The following NLGN1 variants were observed in gnomAD, a reference collection of about 807,000 sequenced individuals.
NLGN1 encodes neuroligin-1.
Under a neutral mutation model 65.5 loss-of-function variants are expected in NLGN1, and 12 were observed. The observed-to-expected ratio is 0.18, with a 90% CI of 0.12 to 0.30. NLGN1 has a LOEUF of 0.30. Among genes scored for constraint, NLGN1 ranks in the 10% least tolerant of loss-of-function variants. The probability of loss-of-function intolerance (pLI) is 1.00; values close to 1 mark genes in which losing one functional copy is unlikely to be tolerated. For missense variants in NLGN1, 750 were observed against 1,007.1 expected (o/e 0.74, Z 3.46); for synonymous variants, 350 against 359.5 (o/e 0.97, Z 0.30).
At chr3:173,938,644 C>T (rs549261962) in intron 4 of NLGN1, among the ~76,000 whole-genome samples, 1 of 152,226 alleles carries the variant, frequency 6.6e-6, no homozygotes, top group African/African-American at 2.4e-5. Flanking sequence ...TAGATAGGAT[C>T]AAATGAGTAA....
At chr3:173,466,387 A>G (rs961085375) in intron 2 of NLGN1, among the ~76,000 whole-genome samples, 3 of 152,186 alleles carry the variant, frequency 2.0e-5, no homozygotes, top group African/African-American at 7.2e-5. Flanking sequence ...AAGCCCTGAT[A>G]GAGTATTTGA....
chr3:173,751,805 T>C (rs750583977), intron 3 of NLGN1, among the ~76,000 whole-genome samples: 1 of 152,116 alleles, frequency 6.6e-6, no homozygotes, highest in Non-Finnish European at 1.5e-5. Flanking sequence ...GAGCTGTACC[T>C]ATATTATCTT....
At chr3:173,626,062 A>G (rs9818829) in intron 3 of NLGN1, among the ~76,000 whole-genome samples, 28,746 of 152,022 alleles carry the variant, frequency 0.19, 3,035 homozygotes, top group African/African-American at 0.27. Context: ...TATTAGTGCT[A>G]TCCAATAGAG....
At chr3:173,757,819 A>G (rs891061081) in intron 3 of NLGN1, among the ~76,000 whole-genome samples, 1 of 152,106 alleles carries the variant, frequency 6.6e-6, no homozygotes, top group Non-Finnish European at 1.5e-5. Context: ...TCAAAATTAC[A>G]TACTGAAGTT....
At chr3:174,045,270 G>T (rs1171646043) in intron 4 of NLGN1, among the ~76,000 whole-genome samples, 1 of 152,130 alleles carries the variant, frequency 6.6e-6, no homozygotes, top group Admixed American at 6.5e-5. Context: ...AGGGATGGAA[G>T]GAAGAAATAG....
intron 4 of NLGN1, among the ~76,000 whole-genome samples, chr3:173,944,127 GT>G (rs1560693322): frequency 3.9e-4 from 46 of 119,088 alleles, no homozygotes; most frequent in East Asian, 2.2e-3. Flanking sequence ...TATTATGGGT[GT>G]GTGTGTGTGT....
chr3:174,236,470 A>G (rs2152824395), intron 4 of NLGN1, among the ~76,000 whole-genome samples: 1 of 152,122 alleles, frequency 6.6e-6, no homozygotes, highest in Non-Finnish European at 1.5e-5. Flanking sequence ...ACATGTAAAG[A>G]TTGGTGACAA....
chr3:173,514,353 C>A (rs865978198), intron 2 of NLGN1, among the ~76,000 whole-genome samples: 1 of 152,012 alleles, frequency 6.6e-6, no homozygotes, highest in Middle Eastern at 3.2e-3. Flanking sequence ...TACACTGTAC[C>A]AAATATGTAG....
rs142206582 is a variant in NLGN1 at position 173,896,227 on chromosome 3, C to T, written c.646+88395C>T. Among the ~76,000 whole-genome samples the T allele has an allele frequency of 7.4e-3, 1,120 of 151,598 alleles. 11 individuals are homozygous for T. Among genetic ancestry groups the T allele is most frequent in the Non-Finnish European group, 9.6e-3 (651 of 67,950 alleles). ...TAATTGCAACATCCTATGATAAGTG[C>T]TTCTTAATCTGTTTCCAGTTTCCCA... On this transcript the variant is annotated intron_variant, in intron 4 of 6. Coordinates refer to ENST00000457714, the Ensembl canonical transcript of NLGN1.
At chr3:173,600,486 C>G (rs1405779606) in intron 2 of NLGN1, among the ~76,000 whole-genome samples, 1 of 151,570 alleles carries the variant, frequency 6.6e-6, no homozygotes, top group East Asian at 1.9e-4. Context: ...AACACATATG[C>G]AAAGTCTTGC....
At chr3:173,957,137 A>G (rs1316627884) in intron 4 of NLGN1, among the ~76,000 whole-genome samples, 1 of 152,208 alleles carries the variant, frequency 6.6e-6, no homozygotes, top group Non-Finnish European at 1.5e-5. Flanking sequence ...ATACTATTTA[A>G]GATAAATTTT....
chr3:173,785,168 A>G (rs926686269), intron 3 of NLGN1, among the ~76,000 whole-genome samples: 2 of 152,182 alleles, frequency 1.3e-5, no homozygotes, highest in African/African-American at 2.4e-5. Context: ...TGGCTTCTGC[A>G]CTCGGCAGGG....
rs58327862 is a variant in NLGN1, at chr3:173,722,241, C to CTTT, written c.494-85419_494-85417dup. Among the ~76,000 whole-genome samples, 46 of 100,110 alleles carry CTTT rather than the reference C, an allele frequency of 4.6e-4. 1 individual carries two copies. Among genetic ancestry groups the CTTT allele is most frequent in the East Asian group, 6.2e-4 (2 of 3,226 alleles). The allele number at this position is 100,110 out of a possible 152,430, so 65.7% of individuals were successfully genotyped here. ...ATTTTTCTTTTCTTTTCTTCTTCTT[C>CTTT]TTTTTTTTTTTTTTTTTTTTTTAAC... On this transcript the variant is annotated intron_variant, in intron 3 of 6. Transcript: ENST00000457714.
Position 174,241,245 on chromosome 3 carries a change from G to A in NLGN1, c.647-34070G>A, listed in dbSNP as rs141572796. Among the ~76,000 whole-genome samples the A allele has an allele frequency of 6.6e-5, 10 of 151,768 alleles. No individual in the cohort carries two copies. The East Asian group carries it at 9.7e-4, about 15-fold the overall frequency. On this transcript the variant is annotated intron_variant, in intron 4 of 6. Coordinates refer to ENST00000457714, the Ensembl canonical transcript of NLGN1. ...CTTTTTAAAATTCTTATTCATAACC[G>A]GAGTCATTGTTTTTTTCTAATATGA...
intron 4 of NLGN1, among the ~76,000 whole-genome samples, chr3:173,810,108 G>T (rs567968002): frequency 5.3e-5 from 8 of 152,134 alleles, no homozygotes; most frequent in South Asian, 2.1e-4. Flanking sequence ...TCGAACAGAG[G>T]TATTCTGGTC....
At chr3:173,681,405 C>A (rs892498288) in intron 3 of NLGN1, among the ~76,000 whole-genome samples, 1 of 152,150 alleles carries the variant, frequency 6.6e-6, no homozygotes, top group Non-Finnish European at 1.5e-5. Flanking sequence ...TGCTGTCACT[C>A]TAAATAATAT....
exon 3 of NLGN1, chr3:173,604,823 G>A (rs1021469652): frequency 1.2e-6 from 2 of 1,613,552 alleles, no homozygotes; most frequent in African/African-American, 1.3e-5. Flanking sequence ...AAATTTTGGG[G>A]CCTGTTATTC....
At chr3:174,281,276 C>T (rs2152895756) in exon 7 of NLGN1, 1 of 1,611,304 alleles carries the variant, frequency 6.2e-7, no homozygotes, top group Non-Finnish European at 8.5e-7. Flanking sequence ...ATCCCCACCC[C>T]CATTCACATT....
At chr3:174,131,387 G>A (rs1720152345) in intron 4 of NLGN1, among the ~76,000 whole-genome samples, 1 of 152,082 alleles carries the variant, frequency 6.6e-6, no homozygotes, top group East Asian at 1.9e-4. Flanking sequence ...TTAGCCATAA[G>A]AAAGCTACAT....
Sources: gnomAD v4.1 joint callset for allele counts (sites outside exome capture counted in the v4.1 genomes callset) on GRCh38, gnomAD v4.1.1 for gene constraint, MANE v1.5 for transcripts, NCBI Gene and HGNC (gene_info 2026-07-23, HGNC 2026-07-21) for gene names.